Variants in MYO3A observed in about 807,000 individuals in gnomAD.
MYO3A encodes the protein myosin IIIA.
A neutral mutation model predicts 192.7 loss-of-function variants in MYO3A; 180 were observed. The observed-to-expected ratio is 0.93, with a 90% confidence interval of 0.83 to 1.06. The LOEUF (loss-of-function observed/expected upper bound fraction) is 1.06, where lower values mean the gene tolerates loss of function less well. Ranked by LOEUF, MYO3A falls within the 50% of genes least tolerant of loss-of-function variation. The pLI is 0.00. For synonymous variants in MYO3A, 628 were observed against 645.3 expected, an observed-to-expected ratio of 0.97 and a Z score of 0.41; for missense variants, 1,896 against 1,905.0, an observed-to-expected ratio of 1.00 and a Z score of 0.09.
chr10:26,049,673 C>CTTTTT (rs66467075), intron 10 of MYO3A, among the ~76,000 whole-genome samples: 56 of 69,100 alleles, frequency 8.1e-4, no homozygotes, highest in African/African-American at 1.6e-3. Flanking sequence ...TTCTTTCTTT[C>CTTTTT]TTTTTTTTTT....
intron 10 of MYO3A, among the ~76,000 whole-genome samples, chr10:26,058,237 T>G (rs538421766): frequency 6.6e-6 from 1 of 152,348 alleles, no homozygotes; most frequent in Admixed American, 6.5e-5. Context: ...TGGACTCATA[T>G]ATGTAGTTTT....
chr10:25,935,251 AG>A (rs1835979964), intron 1 of MYO3A, among the ~76,000 whole-genome samples: 1 of 152,226 alleles, frequency 6.6e-6, no homozygotes, highest in Non-Finnish European at 1.5e-5. Flanking sequence ...TGTCCTTTCA[AG>A]TCTGCTCACC....
chr10:26,045,288 A>G (rs371857983), intron 10 of MYO3A, among the ~76,000 whole-genome samples: 21 of 152,298 alleles, frequency 1.4e-4, no homozygotes, highest in African/African-American at 4.8e-4. Context: ...CCACATTAGC[A>G]TGTGATAACA....
chr10:25,974,025 T>G (rs12266492), intron 4 of MYO3A, among the ~76,000 whole-genome samples: 14,570 of 152,082 alleles, frequency 0.096, 1,245 homozygotes, highest in African/African-American at 0.22. Context: ...CAGGACATAG[T>G]CATGGGCACA....
intron 7 of MYO3A, among the ~76,000 whole-genome samples, chr10:26,020,678 T>C (rs1480927742): frequency 6.6e-6 from 1 of 152,254 alleles, no homozygotes; most frequent in Non-Finnish European, 1.5e-5. Context: ...AAAGTTGAAT[T>C]TCCTTTTTGT....
intron 14 of MYO3A, among the ~76,000 whole-genome samples, chr10:26,072,343 A>G (rs1835257826): frequency 6.6e-6 from 1 of 151,678 alleles, no homozygotes; most frequent in Non-Finnish European, 1.5e-5. Context: ...CTTGCTGCGC[A>G]GGAAGCCAAT....
At chr10:26,179,352 C>A (rs533282253) in intron 31 of MYO3A, among the ~76,000 whole-genome samples, 1 of 152,142 alleles carries the variant, frequency 6.6e-6, no homozygotes, top group South Asian at 2.1e-4. Context: ...ATCTGCCCAC[C>A]TTTACCTCCC....
intron 17 of MYO3A, among the ~76,000 whole-genome samples, chr10:26,100,408 G>A (rs1205098218): frequency 6.6e-6 from 1 of 152,134 alleles, no homozygotes; most frequent in Admixed American, 6.5e-5. Flanking sequence ...ATCTACTTCA[G>A]TTCTGCTCTT....
At chr10:25,954,835 T>G (rs1445617440) in intron 3 of MYO3A, 39 bp from the exon 4 acceptor site, 2 of 1,594,612 alleles carry the variant, frequency 1.3e-6, no homozygotes, top group East Asian at 2.2e-5. Flanking sequence ...TTACTCATGG[T>G]TTTCTCACAG....
chr10:26,074,495 C>G (rs61840799), intron 14 of MYO3A, among the ~76,000 whole-genome samples: 1 of 151,064 alleles, frequency 6.6e-6, no homozygotes, highest in African/African-American at 2.4e-5. Flanking sequence ...TTCTGTTCTG[C>G]TCCTTTGGCC....
At chr10:25,964,781 T>C (rs1838159508) in intron 4 of MYO3A, among the ~76,000 whole-genome samples, 1 of 152,172 alleles carries the variant, frequency 6.6e-6, no homozygotes, top group South Asian at 2.1e-4. Context: ...GTAGGATGGG[T>C]TTGGTATTGA....
intron 17 of MYO3A, among the ~76,000 whole-genome samples, chr10:26,104,571 C>T (rs774683999): frequency 1.1e-4 from 17 of 152,050 alleles, no homozygotes; most frequent in Non-Finnish European, 1.8e-4. Flanking sequence ...ACATGAGTAT[C>T]GCAGCTATGT....
rs947647634 is a variant in MYO3A, at chr10:26,005,414, C to T, written c.508+8156C>T. Among the ~76,000 whole-genome samples the T allele has an allele frequency of 6.6e-5, 10 of 151,964 alleles. No individual in the cohort carries two copies. In the East Asian group the frequency reaches 7.7e-4, roughly 12 times the overall value. On this transcript the variant is annotated intron_variant, in intron 6 of 34. Transcript: ENST00000642920. ...GACAACTAAAAGCACCACATAATCCCGGATTAGATCATTTTGTTTTAAAGG... is the reference window on the plus strand; with the variant it reads ...GACAACTAAAAGCACCACATAATCCTGGATTAGATCATTTTGTTTTAAAGG...
chr10:25,964,812 T>C (rs896490851), intron 4 of MYO3A, among the ~76,000 whole-genome samples: 2 of 152,214 alleles, frequency 1.3e-5, no homozygotes, highest in East Asian at 3.8e-4. Flanking sequence ...CAACTTTTGT[T>C]TGTCTGGCAA....
chr10:26,135,581 G>A (rs1392786265), intron 20 of MYO3A, among the ~76,000 whole-genome samples: 2 of 152,022 alleles, frequency 1.3e-5, no homozygotes, highest in African/African-American at 2.4e-5. Context: ...CTAGAAGGTG[G>A]AACAACTGAA....
rs73594305 is a variant in MYO3A, at chr10:26,116,757, T to G, written c.1777-3919T>G. Among the ~76,000 whole-genome samples, 1,171 of 152,156 alleles carry G rather than the reference T, an allele frequency of 7.7e-3. 8 individuals carry two copies. The highest frequency in any genetic ancestry group is 0.027 in the African/African-American group (1,101 of 41,512). On this transcript the variant is annotated intron_variant, in intron 17 of 34. Transcript: ENST00000642920. ...ACCTCAGTACTATTTACATTTGGAG[T>G]GAGATAATTCTTGTGGGGTTTCTCC... is the stretch of plus-strand genomic sequence containing the variant.
At chr10:26,076,683 A>T (rs188111655) in intron 14 of MYO3A, among the ~76,000 whole-genome samples, 2 of 152,056 alleles carry the variant, frequency 1.3e-5, no homozygotes, top group African/African-American at 4.8e-5. Flanking sequence ...AAGGTGAGAG[A>T]TGAGGATCCA....
intron 6 of MYO3A, among the ~76,000 whole-genome samples, chr10:26,005,449 G>A (rs1001020859): frequency 6.7e-6 from 1 of 149,092 alleles, no homozygotes; most frequent in African/African-American, 2.6e-5. Context: ...GACATATTTA[G>A]GACAGTTGAT....
intron 11 of MYO3A, 61 bp downstream of exon 11, chr10:26,067,135 C>A (rs946203755): frequency 3.5e-6 from 4 of 1,146,808 alleles, no homozygotes; most frequent in African/African-American, 3.0e-5. Flanking sequence ...TTATAGAAGA[C>A]ACGGGTATTG....
Sources: gnomAD v4.1 joint callset for allele counts (sites outside exome capture counted in the v4.1 genomes callset) on GRCh38, gnomAD v4.1.1 for gene constraint, MANE v1.5 for transcripts, NCBI Gene and HGNC (gene_info 2026-07-23, HGNC 2026-07-21) for gene names.